Variants in FSIP1 observed in about 807,000 individuals in gnomAD.
The protein encoded by FSIP1 is fibrous sheath-interacting protein 1.
In FSIP1, 65 loss-of-function variants were observed where a neutral mutation model predicts 60.9. The ratio of observed to expected loss-of-function variants is 1.07; its 90% CI spans 0.87 to 1.31. The LOEUF is 1.31. FSIP1 is among the 40% of genes most tolerant of loss of function. The probability of loss-of-function intolerance (pLI) is 0.00; values close to 1 mark genes in which losing one functional copy is unlikely to be tolerated. For synonymous variants in FSIP1, 209 were observed against 221.2 expected (o/e 0.94, Z 0.49); for missense variants, 675 against 665.5 (o/e 1.01, Z -0.16).
intron 10 of FSIP1, among the ~76,000 whole-genome samples, chr15:39,711,587 C>A (rs940781633): frequency 6.6e-6 from 1 of 150,724 alleles, no homozygotes; most frequent in African/African-American, 2.4e-5. Context: ...CAAAACATTT[C>A]ATTTATCACA....
intron 10 of FSIP1, among the ~76,000 whole-genome samples, chr15:39,706,983 A>T (rs1487172550): frequency 3.3e-5 from 5 of 152,232 alleles, no homozygotes; most frequent in Admixed American, 6.5e-5. Context: ...ACTGGGTCAA[A>T]GCAAGGCAAA....
intron 10 of FSIP1, among the ~76,000 whole-genome samples, chr15:39,710,069 G>A (rs186560497): frequency 6.6e-6 from 1 of 152,306 alleles, no homozygotes; most frequent in East Asian, 1.9e-4. Flanking sequence ...GAGGTACAGT[G>A]CGTTTTCAGA....
intron 5 of FSIP1, among the ~76,000 whole-genome samples, chr15:39,744,586 C>G (rs897892768): frequency 2.6e-5 from 4 of 152,132 alleles, no homozygotes; most frequent in Non-Finnish European, 4.4e-5. Flanking sequence ...AAACCCACAG[C>G]AGAGTGAGCT....
rs532070888 is a variant in FSIP1, at chr15:39,674,276, G to A, written c.1188+39168C>T. ...TCACCGTGTTAGCCAGGATGGTCTT[G>A]ATCTCCTGACCTTGTGATCCGCCCG... is the stretch of plus-strand genomic sequence containing the variant. On this transcript the variant is annotated intron_variant, in intron 10 of 11. Transcript: ENST00000350221. 7.2e-5 allele frequency among the ~76,000 whole-genome samples: 11 copies of A among 152,216 alleles called. No individual in the cohort carries two copies. The East Asian group carries it at 1.9e-3, about 27-fold the overall frequency.
At chr15:39,625,709 C>G (rs1217156322) in intron 10 of FSIP1, among the ~76,000 whole-genome samples, 2 of 152,114 alleles carry the variant, frequency 1.3e-5, no homozygotes, top group Non-Finnish European at 2.9e-5. Flanking sequence ...CTGGAGGGGG[C>G]CTGGCACCTC....
chr15:39,602,369 CT>C, intron 11 of FSIP1: 1 of 455,820 alleles, frequency 2.2e-6, no homozygotes, highest in Non-Finnish European at 4.4e-6. Flanking sequence ...GGCGTGTGGC[CT>C]TGGTGACACC....
At chr15:39,606,960 G>A (rs1478060927) in intron 11 of FSIP1, among the ~76,000 whole-genome samples, 3 of 151,940 alleles carry the variant, frequency 2.0e-5, no homozygotes, top group Middle Eastern at 3.4e-3. Context: ...TTTTTGCTTC[G>A]GAAGTGCCAG....
intron 10 of FSIP1, among the ~76,000 whole-genome samples, chr15:39,643,213 G>T (rs1482676460): frequency 2.6e-5 from 4 of 152,124 alleles, no homozygotes; most frequent in African/African-American, 9.7e-5. Flanking sequence ...CATATGAAGT[G>T]GCTGCTATTT....
chr15:39,659,192 TA>T (rs1371175029), intron 10 of FSIP1, among the ~76,000 whole-genome samples: 1 of 152,102 alleles, frequency 6.6e-6, no homozygotes, highest in East Asian at 1.9e-4. Flanking sequence ...CTTTTGAGGG[TA>T]AAAAAAGTAT....
Position 39,780,385 on chromosome 15 carries a change from A to T in FSIP1, c.-8+2243T>A, listed in dbSNP as rs543407165. ...TAAAAATACAAAAAAATTAGCCGGG[A>T]GTGGTGATGGGCGCCTGTAGTCCCA... On this transcript the variant is annotated intron_variant, in intron 1 of 11. Transcript: ENST00000350221. Among the ~76,000 whole-genome samples the T allele has an allele frequency of 5.3e-5, 8 of 152,232 alleles. No homozygotes were observed. In the South Asian group the frequency reaches 6.2e-4, roughly 12 times the overall value.
At chr15:39,706,055 TG>T (rs1895256176) in intron 10 of FSIP1, among the ~76,000 whole-genome samples, 1 of 152,070 alleles carries the variant, frequency 6.6e-6, no homozygotes, top group African/African-American at 2.4e-5. Context: ...TCCACGTACT[TG>T]TCATTTTTAT....
chr15:39,671,139 C>A (rs905906638), intron 10 of FSIP1, among the ~76,000 whole-genome samples: 1 of 152,136 alleles, frequency 6.6e-6, no homozygotes. Flanking sequence ...GAATGATAAT[C>A]GCTTTTTGAG....
intron 9 of FSIP1, among the ~76,000 whole-genome samples, chr15:39,726,341 T>C (rs1896193759): frequency 6.6e-6 from 1 of 152,146 alleles, no homozygotes; most frequent in Non-Finnish European, 1.5e-5. Flanking sequence ...CTCTTGATCA[T>C]GATCGAGATT....
intron 10 of FSIP1, among the ~76,000 whole-genome samples, chr15:39,703,922 G>A (rs551774281): frequency 1.3e-5 from 2 of 152,270 alleles, no homozygotes; most frequent in Admixed American, 6.5e-5. Context: ...ACCTATAACT[G>A]TACTACATTC....
At chr15:39,609,750 C>A (rs542418099) in intron 11 of FSIP1, among the ~76,000 whole-genome samples, 1 of 152,350 alleles carries the variant, frequency 6.6e-6, no homozygotes, top group African/African-American at 2.4e-5. Flanking sequence ...AAACAACATG[C>A]AACCCTGTGC....
chr15:39,738,428 C>G (rs956005063), intron 7 of FSIP1, among the ~76,000 whole-genome samples: 7 of 152,108 alleles, frequency 4.6e-5, no homozygotes, highest in Non-Finnish European at 1.5e-5. Flanking sequence ...CTGTTAACCA[C>G]TCCAACAGAC....
At chr15:39,769,337 T>C (rs1182812865) in intron 3 of FSIP1, among the ~76,000 whole-genome samples, 3 of 151,498 alleles carry the variant, frequency 2.0e-5, no homozygotes, top group Non-Finnish European at 4.4e-5. Flanking sequence ...CACAGTGACA[T>C]ATGCAGTTTT....
downstream of FSIP1, chr15:39,597,916 GT>G (rs1284248077): frequency 2.6e-5 from 4 of 152,340 alleles, no homozygotes; most frequent in Admixed American, 6.5e-5. Context: ...CACTTCGGAA[GT>G]AAATGTGGAT....
At chr15:39,658,798 C>T (rs1893176013) in intron 10 of FSIP1, among the ~76,000 whole-genome samples, 1 of 152,174 alleles carries the variant, frequency 6.6e-6, no homozygotes, top group Admixed American at 6.5e-5. Context: ...GACCCAGAAA[C>T]TCCACCCCTA....
Sources: allele counts gnomAD v4.1 joint callset (sites outside exome capture counted in the v4.1 genomes callset), GRCh38; gene constraint gnomAD v4.1.1; transcripts MANE v1.5; gene names NCBI Gene and HGNC (gene_info 2026-07-23, HGNC 2026-07-21).